Variants in RBFOX1 observed in about 807,000 individuals in gnomAD.
The protein encoded by RBFOX1 is RNA binding fox-1 homolog 1.
A neutral mutation model predicts 57.7 loss-of-function variants in RBFOX1; 8 were observed. The ratio of observed to expected loss-of-function variants is 0.14; its 90% CI spans 0.08 to 0.25. RBFOX1 has a LOEUF of 0.25. Ranked by LOEUF, RBFOX1 falls within the 10% of genes least tolerant of loss-of-function variation. RBFOX1 has a pLI of 1.00. For synonymous variants in RBFOX1, 326 were observed against 222.4 expected (o/e 1.47, Z -4.15); for missense variants, 611 against 548.5 (o/e 1.11, Z -1.14).
intron 1 of RBFOX1, among the ~76,000 whole-genome samples, chr16:5,272,900 C>G (rs1453987702): frequency 6.6e-6 from 1 of 152,180 alleles, no homozygotes; most frequent in Admixed American, 6.5e-5. Context: ...GCAAGAGACT[C>G]CACAAATGGG....
At chr16:5,856,992 C>T (rs76890279) in intron 3 of RBFOX1, among the ~76,000 whole-genome samples, 2 of 152,108 alleles carry the variant, frequency 1.3e-5, no homozygotes, top group African/African-American at 2.4e-5. Flanking sequence ...GGGGAAGAGG[C>T]CTAGCTTTTG....
rs147221967 is a variant in RBFOX1, at chr16:6,157,689, T to C, written c.-127+137697T>C. On this transcript the variant is annotated intron_variant, in intron 1 of 15. Coordinates refer to ENST00000550418, the MANE Select transcript of RBFOX1 (RefSeq NM_018723.4). ...TACAAGTTATATATATATGCCCATA[T>C]ATAAAATGCATACATAATTATATTG... 6.8e-3 allele frequency among the ~76,000 whole-genome samples: 1,042 copies of C among 152,348 alleles called. 12 individuals carry two copies. Among genetic ancestry groups the C allele is most frequent in the African/African-American group, 0.024 (985 of 41,588 alleles).
rs563578700 is a variant in RBFOX1, at chr16:7,210,273, A to G, written c.27+158175A>G. 3.1e-4 allele frequency among the ~76,000 whole-genome samples: 47 copies of G among 152,306 alleles called. No homozygotes were observed. In the South Asian group the frequency reaches 9.1e-3, roughly 30 times the overall value. On this transcript the variant is annotated intron_variant, in intron 4 of 15. Transcript: ENST00000550418. The stretch of plus-strand genomic sequence containing the variant: ...TATAGGATTGCGAGGCTGACTAAGC[A>G]ATTCAGAAATCCATGGGCCAGGCCA...
At chr16:6,197,704 G>A (rs1033193155) in intron 1 of RBFOX1, among the ~76,000 whole-genome samples, 3 of 151,244 alleles carry the variant, frequency 2.0e-5, no homozygotes, top group Non-Finnish European at 2.9e-5. Context: ...ATAAAGTCAT[G>A]TCATGGGGAT....
At position 6,946,896 on chromosome 16, in the gene RBFOX1, A is replaced by G. The variant is rs186723596; in HGVS notation, c.-15-105161A>G. The stretch of plus-strand genomic sequence containing the variant: ...AGTGCTGGGATTATAGGTATGAGTC[A>G]CCACATCCAGCCCAGAAACCTTTCA... On this transcript the variant is annotated intron_variant, in intron 3 of 15. Coordinates refer to ENST00000550418, the MANE Select transcript of RBFOX1 (RefSeq NM_018723.4). Among the ~76,000 whole-genome samples the G allele has an allele frequency of 2.6e-5, 4 of 152,308 alleles. No individual in the cohort carries two copies. In the East Asian group the frequency reaches 5.8e-4, roughly 22 times the overall value.
intron 1 of RBFOX1, among the ~76,000 whole-genome samples, chr16:6,052,693 A>G (rs2095565888): frequency 6.6e-6 from 1 of 151,950 alleles, no homozygotes; most frequent in Admixed American, 6.6e-5. Context: ...CTGAGGCAGG[A>G]GAATGGCGTG....
At chr16:5,571,933 C>A (rs1442272265) in intron 2 of RBFOX1, among the ~76,000 whole-genome samples, 2 of 152,220 alleles carry the variant, frequency 1.3e-5, no homozygotes, top group Admixed American at 6.5e-5. Flanking sequence ...CTGTGCCCGG[C>A]CCATCTTTGT....
At position 6,879,566 on chromosome 16, in the gene RBFOX1, TAA is replaced by T. The variant is rs1159320488; in HGVS notation, c.-15-172490_-15-172489del. ...ATTCACTATACAGGTAGATTCAACA[TAA>T]GTTTCCATTATCATTTTTAAAGCCA... On this transcript the variant is annotated intron_variant, in intron 3 of 15. Coordinates refer to ENST00000550418, the MANE Select transcript of RBFOX1 (RefSeq NM_018723.4). Among the ~76,000 whole-genome samples the T allele has an allele frequency of 2.0e-5, 3 of 152,240 alleles. 1 individual carries two copies. The highest frequency in any genetic ancestry group is 2.0e-4 in the Admixed American group (3 of 15,280).
rs185114176 is a variant in RBFOX1, at chr16:7,016,853, G to C, written c.-15-35204G>C. Among the ~76,000 whole-genome samples the C allele has an allele frequency of 1.3e-4, 20 of 152,296 alleles. No individual in the cohort carries two copies. The East Asian group carries it at 3.7e-3, about 28-fold the overall frequency. On this transcript the variant is annotated intron_variant, in intron 3 of 15. Coordinates refer to ENST00000550418, the MANE Select transcript of RBFOX1 (RefSeq NM_018723.4). The stretch of plus-strand genomic sequence containing the variant: ...TTGGTTTCGGCCAGCACTTGCTGCA[G>C]AGAACTTAAGACTGTTTCTTTTCTG...
intron 2 of RBFOX1, among the ~76,000 whole-genome samples, chr16:5,553,173 C>A (rs1280291223): frequency 1.3e-5 from 2 of 152,094 alleles, no homozygotes; most frequent in African/African-American, 4.8e-5. Context: ...AGGACAAATA[C>A]CTAATGTGAA....
intron 1 of RBFOX1, among the ~76,000 whole-genome samples, chr16:5,336,834 G>C (rs754680664): frequency 3.9e-4 from 60 of 152,264 alleles, no homozygotes; most frequent in Non-Finnish European, 4.1e-4. Flanking sequence ...TGGTGCTCAT[G>C]GCTTTTTAAA....
intron 11 of RBFOX1, among the ~76,000 whole-genome samples, chr16:7,645,316 C>G (rs1054648640): frequency 2.0e-5 from 3 of 152,142 alleles, no homozygotes; most frequent in African/African-American, 7.2e-5. Flanking sequence ...AGGGCTGTGT[C>G]AATTTCCTCG....
chr16:7,074,188 T>C (rs1284440945), intron 4 of RBFOX1, among the ~76,000 whole-genome samples: 1 of 152,184 alleles, frequency 6.6e-6, no homozygotes, highest in African/African-American at 2.4e-5. Flanking sequence ...ATGACCCAAA[T>C]GTTAGGATTG....
chr16:5,566,283 G>A (rs964090722), intron 2 of RBFOX1, among the ~76,000 whole-genome samples: 6 of 152,080 alleles, frequency 3.9e-5, no homozygotes, highest in Admixed American at 3.3e-4. Flanking sequence ...ACATAGTTGG[G>A]CTGGCTTATG....
chr16:5,729,956 T>C (rs960212760), intron 3 of RBFOX1, among the ~76,000 whole-genome samples: 1 of 152,218 alleles, frequency 6.6e-6, no homozygotes, highest in African/African-American at 2.4e-5. Context: ...GTGCAGCACC[T>C]GCCTTTGGAG....
At chr16:6,077,924 C>G (rs1351712934) in intron 1 of RBFOX1, among the ~76,000 whole-genome samples, 1 of 152,134 alleles carries the variant, frequency 6.6e-6, no homozygotes, top group Admixed American at 6.5e-5. Flanking sequence ...GGACTCCTCT[C>G]ATGCCACCAT....
chr16:6,638,788 A>G (rs527421180), intron 2 of RBFOX1, among the ~76,000 whole-genome samples: 12 of 152,314 alleles, frequency 7.9e-5, no homozygotes, highest in South Asian at 2.1e-4. Flanking sequence ...TGGTTGGTGC[A>G]GGTGTTTGGG....
At chr16:6,331,596 G>GTA (rs1243597754) in intron 2 of RBFOX1, among the ~76,000 whole-genome samples, 1 of 97,756 alleles carries the variant, frequency 1.0e-5, no homozygotes, top group African/African-American at 4.2e-5. Flanking sequence ...ATATGTGTGT[G>GTA]TATATATATG....
chr16:5,627,109 C>G (rs533558776), intron 3 of RBFOX1, among the ~76,000 whole-genome samples: 3 of 152,292 alleles, frequency 2.0e-5, no homozygotes, highest in East Asian at 3.9e-4. Context: ...TCTATTTAAA[C>G]TTTTTCTTTT....
Sources: allele counts gnomAD v4.1 joint callset (sites outside exome capture counted in the v4.1 genomes callset), GRCh38; gene constraint gnomAD v4.1.1; transcripts MANE v1.5; gene names NCBI Gene and HGNC (gene_info 2026-07-23, HGNC 2026-07-21).